Variants in XKR4 observed in about 807,000 individuals in gnomAD.
XKR4 encodes XK related 4.
In XKR4, 12 loss-of-function variants were observed where a neutral mutation model predicts 53.9. That is an observed-to-expected ratio of 0.22 (90% confidence interval 0.14 to 0.36). XKR4 has a LOEUF of 0.36. Ranked by LOEUF, XKR4 falls within the 10% of genes least tolerant of loss-of-function variation. The probability of loss-of-function intolerance (pLI) is 1.00; values close to 1 mark genes in which losing one functional copy is unlikely to be tolerated. For missense variants in XKR4, 799 were observed against 859.5 expected (o/e 0.93, Z 0.88); for synonymous variants, 354 against 362.4 (o/e 0.98, Z 0.26).
intron 2 of XKR4, among the ~76,000 whole-genome samples, chr8:55,416,389 C>T (rs759078476): frequency 1.1e-4 from 16 of 152,188 alleles, no homozygotes; most frequent in African/African-American, 1.4e-4. Context: ...AAATTACATG[C>T]TCACCATGTA....
At chr8:55,475,282 G>T (rs1666571907) in intron 2 of XKR4, among the ~76,000 whole-genome samples, 1 of 152,124 alleles carries the variant, frequency 6.6e-6, no homozygotes, top group African/African-American at 2.4e-5. Context: ...GCCCAGGGTT[G>T]TGGGCAGGTG....
At chr8:55,105,075 T>A (rs1385995058) in intron 1 of XKR4, among the ~76,000 whole-genome samples, 1 of 152,226 alleles carries the variant, frequency 6.6e-6, no homozygotes. Flanking sequence ...TTCTCTATCC[T>A]GTTAACTGAA....
Position 55,267,602 on chromosome 8 carries a change from G to A in XKR4, c.807-90076G>A, listed in dbSNP as rs1302415206. On this transcript the variant is annotated intron_variant, in intron 1 of 2. Transcript: ENST00000327381. ...GTACAGCATAAGGAAGAGGTTTCAG[G>A]CATTAAATTGTAACCAAAGTGTTAA... Among the ~76,000 whole-genome samples the A allele has an allele frequency of 6.5e-5, 8 of 122,544 alleles. No individual in the cohort carries two copies. The Admixed American group carries it at 7.2e-4, about 11-fold the overall frequency. 80.4% of individuals were successfully genotyped at this position (122,544 alleles called of 152,430 possible). A position where few individuals can be genotyped will look rare whatever the true frequency, so the allele number is the denominator to read the frequency against.
At chr8:55,329,910 A>G (rs1803359351) in intron 1 of XKR4, among the ~76,000 whole-genome samples, 1 of 152,340 alleles carries the variant, frequency 6.6e-6, no homozygotes, top group African/African-American at 2.4e-5. Flanking sequence ...ATATGAGTCT[A>G]CCACTCTCTT....
intron 2 of XKR4, among the ~76,000 whole-genome samples, chr8:55,435,504 A>G (rs1476806908): frequency 6.6e-6 from 1 of 151,760 alleles, no homozygotes; most frequent in East Asian, 1.9e-4. Flanking sequence ...ATAGCTTTTT[A>G]TAGCCCTTTT....
At chr8:55,164,289 C>T (rs575360760) in intron 1 of XKR4, 1 of 455,994 alleles carries the variant, frequency 2.2e-6, no homozygotes, top group South Asian at 1.6e-5. Context: ...CGTCCATTCT[C>T]CTAGTGGGCA....
At chr8:55,423,696 T>A (rs912514154) in intron 2 of XKR4, among the ~76,000 whole-genome samples, 8 of 152,254 alleles carry the variant, frequency 5.3e-5, no homozygotes, top group Non-Finnish European at 8.8e-5. Flanking sequence ...CTCCATGATG[T>A]CTGGGCATTT....
chr8:55,342,324 C>A (rs1803561266), intron 1 of XKR4, among the ~76,000 whole-genome samples: 1 of 152,154 alleles, frequency 6.6e-6, no homozygotes, highest in East Asian at 1.9e-4. Context: ...CAGGTCCTAA[C>A]AACCATCATC....
intron 1 of XKR4, among the ~76,000 whole-genome samples, chr8:55,313,491 C>T (rs1247389172): frequency 6.6e-6 from 1 of 152,126 alleles, no homozygotes; most frequent in Non-Finnish European, 1.5e-5. Flanking sequence ...CACAAGTTAC[C>T]CAGCGGCAGC....
chr8:55,155,088 C>A (rs1261932247), intron 1 of XKR4, among the ~76,000 whole-genome samples: 1 of 152,164 alleles, frequency 6.6e-6, no homozygotes, highest in African/African-American at 2.4e-5. Context: ...GAAGTTGATT[C>A]TCTAGAGAAA....
intron 2 of XKR4, among the ~76,000 whole-genome samples, chr8:55,464,251 A>C (rs1018459131): frequency 1.3e-5 from 2 of 152,164 alleles, no homozygotes; most frequent in African/African-American, 4.8e-5. Flanking sequence ...AACCAAATCC[A>C]GCAACACATC....
chr8:55,437,578 A>C (rs146834540), intron 2 of XKR4, among the ~76,000 whole-genome samples: 227 of 152,322 alleles, frequency 1.5e-3, no homozygotes, highest in African/African-American at 5.2e-3. Flanking sequence ...TATGGATCTG[A>C]GAATGTGAAT....
chr8:55,113,496 A>G (rs1275892753), intron 1 of XKR4, among the ~76,000 whole-genome samples: 2 of 152,210 alleles, frequency 1.3e-5, no homozygotes, highest in African/African-American at 2.4e-5. Context: ...CTCCTCTTAG[A>G]TGAGTTTTTT....
chr8:55,399,898 G>A (rs2129389765), intron 2 of XKR4, among the ~76,000 whole-genome samples: 1 of 152,334 alleles, frequency 6.6e-6, no homozygotes, highest in South Asian at 2.1e-4. Flanking sequence ...GACAGGAGCA[G>A]CCTGCTCGCT....
intron 1 of XKR4, among the ~76,000 whole-genome samples, chr8:55,289,669 AAAAGAAAGAGAAAG>A (rs1818968082): frequency 4.0e-5 from 3 of 74,182 alleles, no homozygotes; most frequent in East Asian, 4.3e-4. Context: ...AAAAGAAAAG[AAAAGAAAGAGAAAG>A]AAAGAAAGAA....
chr8:55,255,637 A>G (rs1159931668), intron 1 of XKR4, among the ~76,000 whole-genome samples: 1 of 152,174 alleles, frequency 6.6e-6, no homozygotes, highest in African/African-American at 2.4e-5. Context: ...AATTATATTT[A>G]TATATCTGCA....
intron 2 of XKR4, among the ~76,000 whole-genome samples, chr8:55,372,170 A>C (rs909460725): frequency 6.6e-5 from 10 of 152,210 alleles, no homozygotes; most frequent in Non-Finnish European, 1.2e-4. Flanking sequence ...GTTTGGAACA[A>C]AGAAGCATCA....
At chr8:55,129,189 G>A (rs1164634035) in intron 1 of XKR4, among the ~76,000 whole-genome samples, 1 of 152,196 alleles carries the variant, frequency 6.6e-6, no homozygotes. Context: ...TCAGGTTAGA[G>A]GAAAATATAG....
chr8:55,478,547 C>T (rs1936471306), intron 2 of XKR4, among the ~76,000 whole-genome samples: 1 of 152,036 alleles, frequency 6.6e-6, no homozygotes, highest in African/African-American at 2.4e-5. Context: ...CCACACATAA[C>T]AATATTAACT....
Sources: allele counts gnomAD v4.1 joint callset (sites outside exome capture counted in the v4.1 genomes callset), GRCh38; gene constraint gnomAD v4.1.1; transcripts MANE v1.5; gene names NCBI Gene and HGNC (gene_info 2026-07-23, HGNC 2026-07-21).